The following MEGF9 variants were observed in gnomAD, a reference collection of about 807,000 sequenced individuals.
The protein encoded by MEGF9 is multiple EGF like domains 9, also known as multiple epidermal growth factor-like domains protein 9.
Under a neutral mutation model 46.8 loss-of-function variants are expected in MEGF9, and 6 were observed. The ratio of observed to expected loss-of-function variants is 0.13; its 90% CI spans 0.07 to 0.25. MEGF9 has a LOEUF of 0.25. MEGF9 is among the 10% of genes least tolerant of loss of function. The pLI, the probability that MEGF9 is intolerant of heterozygous loss-of-function variation, is 1.00. For synonymous variants in MEGF9, 302 were observed against 330.7 expected, an observed-to-expected ratio of 0.91 and a Z score of 0.94; for missense variants, 683 against 792.4, an observed-to-expected ratio of 0.86 and a Z score of 1.66.
intron 1 of MEGF9, among the ~76,000 whole-genome samples, chr9:120,692,922 T>C (rs74728201): frequency 0.016 from 2,486 of 152,250 alleles, 59 homozygotes; most frequent in African/African-American, 0.056. Context: ...CTCTCTTTGC[T>C]TCTGTAGTAC....
intron 4 of MEGF9, 65 bp downstream of exon 4, chr9:120,612,331 A>G: frequency 6.6e-7 from 1 of 1,523,338 alleles, no homozygotes; most frequent in Non-Finnish European, 8.9e-7. Flanking sequence ...CATCAATGCA[A>G]CTTATACCTA....
chr9:120,667,298 T>C (rs1008765284), intron 1 of MEGF9, among the ~76,000 whole-genome samples: 8 of 152,198 alleles, frequency 5.3e-5, no homozygotes, highest in African/African-American at 1.7e-4. Context: ...TAAGGAGTTG[T>C]GGAACATTTT....
intron 2 of MEGF9, among the ~76,000 whole-genome samples, chr9:120,639,598 T>C (rs991685690): frequency 2.0e-5 from 3 of 149,782 alleles, no homozygotes; most frequent in African/African-American, 7.4e-5. Flanking sequence ...TGACCTTAAA[T>C]AAATTACTTA....
rs1021765807 is a variant in MEGF9, at chr9:120,607,875, G to C, written c.1223C>G (p.Pro408Arg). The change falls in exon 5 of 6, where the codon CCA (proline) becomes CGA (arginine). Residue 408 changes from proline (P) to arginine (R), a missense_variant. By Grantham distance (103) the Pro-to-Arg change is moderately radical (BLOSUM62 -2). Transcript: ENST00000373930. ...CTTACAAATCTTTGGAGTTTTAACT[G>C]GGTCCACATGGCCGTGACATTGGCA... ...RKCQCHGHVD[P>R]VKTPKICKPE... The C allele has an allele frequency of 6.2e-7, 1 of 1,613,982 alleles. No individual in the cohort carries two copies. Among genetic ancestry groups the C allele is most frequent in the Non-Finnish European group, 8.5e-7 (1 of 1,179,872 alleles).
At chr9:120,683,061 A>T (rs927269229) in intron 1 of MEGF9, among the ~76,000 whole-genome samples, 7 of 152,160 alleles carry the variant, frequency 4.6e-5, no homozygotes. Context: ...GAGAATATAC[A>T]TATTAGAAAG....
chr9:120,678,075 C>T (rs2043781395), intron 1 of MEGF9, among the ~76,000 whole-genome samples: 2 of 152,098 alleles, frequency 1.3e-5, no homozygotes, highest in African/African-American at 4.8e-5. Flanking sequence ...ACATAATTAC[C>T]TCTAGTTGTT....
At chr9:120,617,627 G>C in intron 3 of MEGF9, among the ~76,000 whole-genome samples, 1 of 152,212 alleles carries the variant, frequency 6.6e-6, no homozygotes, top group East Asian at 1.9e-4. Context: ...GCATGAAAAT[G>C]ACATGATCTG....
chr9:120,660,942 G>A (rs1360924782), intron 1 of MEGF9, among the ~76,000 whole-genome samples: 1 of 152,076 alleles, frequency 6.6e-6, no homozygotes, highest in Non-Finnish European at 1.5e-5. Flanking sequence ...TACTATTTTT[G>A]ATGACTTCAA....
At chr9:120,623,295 TTC>T (rs1426355531) in intron 2 of MEGF9, among the ~76,000 whole-genome samples, 1 of 152,140 alleles carries the variant, frequency 6.6e-6, no homozygotes, top group Non-Finnish European at 1.5e-5. Context: ...TCAAGCTTCA[TTC>T]TGTAGATCCA....
At position 120,653,042 on chromosome 9, in the gene MEGF9, A is replaced by G. The variant is rs137896561; in HGVS notation, c.803+6332T>C. Among the ~76,000 whole-genome samples, 509 of 152,320 alleles carry G rather than the reference A, an allele frequency of 3.3e-3. 3 individuals carry two copies. The highest frequency in any genetic ancestry group is 5.8e-3 in the Non-Finnish European group (396 of 68,016). ...TTTCAAATTCCGCTCCCTTTCTACT[A>G]CACGTCATCACACTACTTGTCTACA... On this transcript the variant is annotated intron_variant, in intron 2 of 5. Coordinates refer to ENST00000373930, the MANE Select transcript of MEGF9 (RefSeq NM_001080497.3).
intron 3 of MEGF9, among the ~76,000 whole-genome samples, chr9:120,620,474 A>G (rs954161529): frequency 1.3e-5 from 2 of 152,214 alleles, no homozygotes; most frequent in Non-Finnish European, 2.9e-5. Context: ...AGTGAGCCAT[A>G]TGTGACTCAG....
At position 120,605,395 on chromosome 9, in the gene MEGF9, A is replaced by G; in HGVS notation, c.1604T>C (p.Val535Ala). 6.2e-7 allele frequency: 1 copy of G among 1,614,038 alleles called. No individual in the cohort carries two copies. The highest frequency in any genetic ancestry group is 1.1e-5 in the South Asian group (1 of 91,080). Reference protein sequence around the residue: ...VVLLMGFVGAVYMYREYQNRK... With the variant: ...VVLLMGFVGAAYMYREYQNRK... ...GTTTTGGTACTCGCGGTACATATAT[A>G]CAGCCCCCACAAATCCCATTAGCAG... is the stretch of plus-strand genomic sequence containing the variant. The change falls in exon 6 of 6, where the codon GTA becomes GCA. Residue 535 changes from valine to alanine, a missense_variant. This residue lies in a region of MEGF9 where 313 missense variants were observed against 421.1 expected (regional missense o/e 0.74). Coordinates refer to ENST00000373930, the MANE Select transcript of MEGF9 (RefSeq NM_001080497.3). This position sits in a 1 kb window ranked among gnomAD's most constrained non-coding sequence, Gnocchi z 4.0.
At chr9:120,637,543 C>T (rs1041451044) in intron 2 of MEGF9, among the ~76,000 whole-genome samples, 1 of 149,970 alleles carries the variant, frequency 6.7e-6, no homozygotes, top group Admixed American at 6.6e-5. Flanking sequence ...CCTGTAATCT[C>T]GGCACTTTGG....
At chr9:120,691,985 T>C (rs2043850531) in intron 1 of MEGF9, among the ~76,000 whole-genome samples, 1 of 152,226 alleles carries the variant, frequency 6.6e-6, no homozygotes, top group African/African-American at 2.4e-5. Flanking sequence ...CACTCATTAT[T>C]ACATGATCTT....
chr9:120,656,904 C>A (rs767575532), intron 2 of MEGF9, among the ~76,000 whole-genome samples: 3 of 151,890 alleles, frequency 2.0e-5, no homozygotes, highest in Non-Finnish European at 4.4e-5. Flanking sequence ...GTATACGGTG[C>A]GACTCTGTCT....
intron 1 of MEGF9, among the ~76,000 whole-genome samples, chr9:120,703,756 T>C (rs1007464787): frequency 6.6e-6 from 1 of 152,022 alleles, no homozygotes; most frequent in African/African-American, 2.4e-5. Flanking sequence ...GTGGATCACC[T>C]AAGGTCAGGA....
At chr9:120,611,865 A>AGGAAGGAAGGAAGGAAGGAAGGAAGAG (rs572613293) in intron 4 of MEGF9, among the ~76,000 whole-genome samples, 2 of 137,224 alleles carry the variant, frequency 1.5e-5, no homozygotes, top group African/African-American at 5.9e-5. Flanking sequence ...GGAAGGAAGA[A>AGGAAGGAAGGAAGGAAGGAAGGAAGAG]AGAGAGAGAG....
At chr9:120,701,286 C>G (rs2043903885) in intron 1 of MEGF9, among the ~76,000 whole-genome samples, 1 of 152,058 alleles carries the variant, frequency 6.6e-6, no homozygotes. Flanking sequence ...CTAATAAGAT[C>G]TGTGATAATA....
At chr9:120,707,850 C>T (rs1046530631) in intron 1 of MEGF9, among the ~76,000 whole-genome samples, 3 of 152,106 alleles carry the variant, frequency 2.0e-5, no homozygotes, top group African/African-American at 7.2e-5. Context: ...CAAGACCAGC[C>T]TGACCAACAT....
Sources: gnomAD v4.1 joint callset for allele counts (sites outside exome capture counted in the v4.1 genomes callset) on GRCh38, gnomAD v4.1.1 for gene constraint, gnomAD v4.1.1 regional missense constraint, Gnocchi (gnomAD v3.1) non-coding constraint, MANE v1.5 for transcripts, NCBI Gene and HGNC (gene_info 2026-07-23, HGNC 2026-07-21) for gene names.